UBE2K: variants seen among roughly 807,000 people sequenced by gnomAD.
UBE2K encodes the protein ubiquitin-conjugating enzyme E2 K.
UBE2K carries 6 observed loss-of-function variants against 30.0 expected under a neutral mutation model. That is an observed-to-expected ratio of 0.20 (90% CI 0.11 to 0.39). UBE2K has a LOEUF of 0.39. Ranked by LOEUF, UBE2K falls within the 10% of genes least tolerant of loss-of-function variation. The probability of loss-of-function intolerance (pLI) is 1.00; values close to 1 mark genes in which losing one functional copy is unlikely to be tolerated. For synonymous variants in UBE2K, 86 were observed against 83.7 expected (o/e 1.03, Z -0.15); for missense variants, 61 against 241.6 (o/e 0.25, Z 4.96).
At chr4:39,756,674 G>A (rs1267790400) in intron 4 of UBE2K, among the ~76,000 whole-genome samples, 5 of 152,098 alleles carry the variant, frequency 3.3e-5, no homozygotes, top group African/African-American at 4.8e-5. Context: ...GAAGCTTTGT[G>A]TAGTCTGACA....
chr4:39,767,481 G>A (rs913953943), intron 4 of UBE2K, among the ~76,000 whole-genome samples: 1 of 151,656 alleles, frequency 6.6e-6, no homozygotes, highest in Non-Finnish European at 1.5e-5. Flanking sequence ...CTGCCACCAC[G>A]CCCGGCTAAT....
At chr4:39,771,689 G>A (rs1416598504) in intron 4 of UBE2K, among the ~76,000 whole-genome samples, 1 of 152,142 alleles carries the variant, frequency 6.6e-6, no homozygotes. Flanking sequence ...CGACGGCGTC[G>A]GCTAGGACTC....
At chr4:39,727,171 G>A (rs1293213216) in intron 1 of UBE2K, among the ~76,000 whole-genome samples, 2 of 152,016 alleles carry the variant, frequency 1.3e-5, no homozygotes, top group Non-Finnish European at 2.9e-5. Context: ...TTACTTTCTA[G>A]TCCTTTTATG....
rs951964864 is a variant in UBE2K at position 39,744,143 on chromosome 4, A to T, written c.158-1609A>T. Among the ~76,000 whole-genome samples the T allele has an allele frequency of 9.2e-5, 14 of 152,272 alleles. 1 individual carries two copies. The highest frequency in any genetic ancestry group is 2.9e-4 in the African/African-American group (12 of 41,552). Reference sequence around the variant, plus strand: ...CTCCCAAAGTGCTGGGATTACAGGCATGAGCCATTGCACGCAGCCCAGAGT... The same window carrying T: ...CTCCCAAAGTGCTGGGATTACAGGCTTGAGCCATTGCACGCAGCCCAGAGT... On this transcript the variant is annotated intron_variant, in intron 2 of 6. Coordinates refer to ENST00000261427, the MANE Select transcript of UBE2K (RefSeq NM_005339.5).
At chr4:39,729,176 G>A (rs1025474903) in intron 1 of UBE2K, among the ~76,000 whole-genome samples, 1 of 151,342 alleles carries the variant, frequency 6.6e-6, no homozygotes, top group Non-Finnish European at 1.5e-5. Flanking sequence ...TCACCATGTT[G>A]GCCAGGCTAG....
At chr4:39,735,493 G>A (rs1245801879) in intron 1 of UBE2K, among the ~76,000 whole-genome samples, 1 of 152,188 alleles carries the variant, frequency 6.6e-6, no homozygotes, top group East Asian at 1.9e-4. Flanking sequence ...CCATTCTCCT[G>A]CCTCAGCCTC....
intron 1 of UBE2K, among the ~76,000 whole-genome samples, chr4:39,706,251 C>G (rs1047499653): frequency 2.0e-5 from 3 of 151,838 alleles, no homozygotes; most frequent in Non-Finnish European, 2.9e-5. Context: ...CTCCTGACCT[C>G]GTGATCTGCC....
At chr4:39,776,710 T>C (rs1713303363) in intron 5 of UBE2K, among the ~76,000 whole-genome samples, 1 of 152,154 alleles carries the variant, frequency 6.6e-6, no homozygotes, top group African/African-American at 2.4e-5. Flanking sequence ...TTTATGTATA[T>C]ATGTATATAT....
chr4:39,780,981 G>A lies in UBE2K; in HGVS notation c.*2547G>A, dbSNP rs759830490. 4 of 152,030 alleles carry A rather than the reference G, an allele frequency of 2.6e-5. No homozygotes were observed. The highest frequency in any genetic ancestry group is 6.6e-5 in the Admixed American group (1 of 15,250). The allele number at this position is 152,030 out of a possible 1,614,324, so 9.4% of individuals were successfully genotyped here. A position where few individuals can be genotyped will look rare whatever the true frequency, so the allele number is the denominator to read the frequency against. Reference sequence around the variant, plus strand: ...AGTGAAATCCCATTTAGGGCAGGCCGATTTGTTAGAAGTCACTGATGCTCC... The same window carrying A: ...AGTGAAATCCCATTTAGGGCAGGCCAATTTGTTAGAAGTCACTGATGCTCC... On this transcript the variant is annotated 3_prime_UTR_variant, in exon 7 of 7. Transcript: ENST00000261427.
intron 4 of UBE2K, 43 bp from the exon 5 acceptor site, chr4:39,774,791 C>T (rs765104062): frequency 2.0e-5 from 25 of 1,280,586 alleles, no homozygotes; most frequent in Admixed American, 1.5e-4. Flanking sequence ...CTTTTGCCTG[C>T]AGAGCCCTCT....
chr4:39,771,907 C>G (rs1173641471), intron 4 of UBE2K, among the ~76,000 whole-genome samples: 3 of 152,150 alleles, frequency 2.0e-5, no homozygotes, highest in African/African-American at 7.2e-5. Flanking sequence ...GTGGCGCCAT[C>G]TGGACTCACT....
chr4:39,711,739 C>T (rs1052106004), intron 1 of UBE2K, among the ~76,000 whole-genome samples: 1 of 151,764 alleles, frequency 6.6e-6, no homozygotes, highest in East Asian at 1.9e-4. Context: ...AATTTACATT[C>T]CCACTAAAAG....
intron 1 of UBE2K, among the ~76,000 whole-genome samples, chr4:39,731,513 C>G (rs1720073174): frequency 6.6e-6 from 1 of 151,980 alleles, no homozygotes; most frequent in African/African-American, 2.4e-5. Context: ...AACCTTGTCT[C>G]TAGTACAAAT....
chr4:39,732,707 G>A (rs1161689227), intron 1 of UBE2K, among the ~76,000 whole-genome samples: 5 of 102,564 alleles, frequency 4.9e-5, no homozygotes, highest in African/African-American at 1.6e-4. Flanking sequence ...ACAGAGTCTT[G>A]CTTCGTAGCC....
chr4:39,716,638 A>C (rs982102547), intron 1 of UBE2K, among the ~76,000 whole-genome samples: 4 of 151,516 alleles, frequency 2.6e-5, no homozygotes, highest in African/African-American at 9.7e-5. Context: ...AAGCAGGAGG[A>C]TTGCTTGAGC....
intron 3 of UBE2K, among the ~76,000 whole-genome samples, chr4:39,753,843 G>A (rs1721394359): frequency 6.6e-6 from 1 of 152,144 alleles, no homozygotes; most frequent in Non-Finnish European, 1.5e-5. Flanking sequence ...GGCTTGGCCG[G>A]GCATGATGGC....
intron 3 of UBE2K, among the ~76,000 whole-genome samples, chr4:39,755,069 A>C (rs1398552227): frequency 1.3e-5 from 2 of 152,210 alleles, no homozygotes; most frequent in South Asian, 2.1e-4. Flanking sequence ...GTGGGAGTTT[A>C]CATTGTGCTC....
chr4:39,771,382 GTAGCGGCC>G, intron 4 of UBE2K: 1 of 1,612,546 alleles, frequency 6.2e-7, no homozygotes, highest in East Asian at 2.2e-5. Flanking sequence ...GTTCCGTAGC[GTAGCGGCC>G]TAGTGGCCGG....
rs1192015195 is a variant in UBE2K, at chr4:39,770,596, C to T, written c.300-4238C>T. ...GTGGCCCCCACGCTGGCCCGGCCTC[C>T]CGGAGTCAACAGCAGGCTCTCCCCT... On this transcript the variant is annotated intron_variant, in intron 4 of 6. Coordinates refer to ENST00000261427, the MANE Select transcript of UBE2K (RefSeq NM_005339.5). 5.0e-6 allele frequency: 8 copies of T among 1,585,386 alleles called. No homozygotes were observed. The African/African-American group carries it at 8.1e-5, about 16-fold the overall frequency.
Sources: allele counts gnomAD v4.1 joint callset (sites outside exome capture counted in the v4.1 genomes callset), GRCh38; gene constraint gnomAD v4.1.1; transcripts MANE v1.5; gene names NCBI Gene and HGNC (gene_info 2026-07-23, HGNC 2026-07-21).